Variants in RPRD1B observed in about 807,000 individuals in gnomAD.
The protein encoded by RPRD1B is regulation of nuclear pre-mRNA domain-containing protein 1B.
In RPRD1B, 11 loss-of-function variants were observed where a neutral mutation model predicts 41.5. That is an observed-to-expected ratio of 0.27 (90% confidence interval 0.17 to 0.44). The LOEUF is 0.44. Among genes scored for constraint, RPRD1B ranks in the 20% least tolerant of loss-of-function variants. The pLI is 1.00. For synonymous variants in RPRD1B, 158 were observed against 155.6 expected (o/e 1.02, Z -0.12); for missense variants, 248 against 389.9 (o/e 0.64, Z 3.06).
At chr20:38,078,002 C>G (rs980667043) in intron 6 of RPRD1B, among the ~76,000 whole-genome samples, 1 of 151,994 alleles carries the variant, frequency 6.6e-6, no homozygotes, top group African/African-American at 2.4e-5. Context: ...ATGGCAAAAC[C>G]CCGTCTCTAT....
At chr20:38,076,906 CTTTTTTTTTTTTTTTT>C (rs573460686) in intron 6 of RPRD1B, among the ~76,000 whole-genome samples, 3,161 of 63,594 alleles carry the variant, frequency 0.05, 115 homozygotes, top group Middle Eastern at 0.12. Context: ...CATTCTGGAC[CTTTTTTTTTTTTTTTT>C]TTTTTTTTTT....
In RPRD1B at chr20:38,091,202, G is replaced by A. The variant is rs1235384210; in HGVS notation, c.*1327G>A. On this transcript the variant is annotated 3_prime_UTR_variant, in exon 7 of 7. Transcript: ENST00000373433. ...AGTGTAATAGGAGTTATAGACCAGA[G>A]GCTGAAACCCAAACTATATAAAAAG... 13 of 985,696 alleles carry A rather than the reference G, an allele frequency of 1.3e-5. No homozygotes were observed. The highest frequency in any genetic ancestry group is 4.7e-5 in the South Asian group (1 of 21,282). 61.1% of individuals were successfully genotyped at this position (985,696 alleles called of 1,614,324 possible).
At chr20:38,049,648 G>A (rs565604023) in intron 3 of RPRD1B, 132 of 461,070 alleles carry the variant, frequency 2.9e-4, no homozygotes, top group Admixed American at 6.5e-4. Flanking sequence ...TATTATAGGC[G>A]TGAGCCACCT....
In RPRD1B at chr20:38,090,114, C is replaced by A. The variant is rs1040700854; in HGVS notation, c.*239C>A. On this transcript the variant is annotated 3_prime_UTR_variant, in exon 7 of 7. Transcript: ENST00000373433. ...TTGCAAAGACTACAGACTTTTTCTC[C>A]CACTTCATATTTTCATGCCCCCCTG... The A allele has an allele frequency of 4.9e-6, 6 of 1,224,816 alleles. No homozygotes were observed. Among genetic ancestry groups the A allele is most frequent in the Non-Finnish European group, 6.1e-6 (6 of 979,320 alleles). 75.9% of individuals were successfully genotyped at this position (1,224,816 alleles called of 1,614,324 possible).
In RPRD1B at chr20:38,090,990, G is replaced by C; in HGVS notation, c.*1115G>C. Reference sequence around the variant, plus strand: ...GCTCGTCTCGGGCAGGGGAAGCGGGGAGTTGGGGATATTAATTGGGGGTTT... The same window carrying C: ...GCTCGTCTCGGGCAGGGGAAGCGGGCAGTTGGGGATATTAATTGGGGGTTT... On this transcript the variant is annotated 3_prime_UTR_variant, in exon 7 of 7. Transcript: ENST00000373433. The C allele has an allele frequency of 6.1e-6, 6 of 985,576 alleles. No individual in the cohort carries two copies. The highest frequency in any genetic ancestry group is 7.2e-6 in the Non-Finnish European group (6 of 829,936). 61.1% of individuals were successfully genotyped at this position (985,576 alleles called of 1,614,324 possible).
At chr20:38,041,381 A>G (rs1485955924) in intron 2 of RPRD1B, among the ~76,000 whole-genome samples, 1 of 152,216 alleles carries the variant, frequency 6.6e-6, no homozygotes, top group East Asian at 1.9e-4. Context: ...GCCTTAAATG[A>G]GAAATGAAGT....
intron 6 of RPRD1B, chr20:38,085,520 C>G (rs951473309): frequency 6.6e-6 from 1 of 152,210 alleles, no homozygotes; most frequent in Non-Finnish European, 1.5e-5. Flanking sequence ...GAGTGGGTCT[C>G]ATCACGTTGG....
Position 38,066,183 on chromosome 20 carries a change from A to G in RPRD1B, c.758A>G (p.Gln253Arg), listed in dbSNP as rs564402391. The G allele has an allele frequency of 6.2e-7, 1 of 1,614,240 alleles. No homozygotes were observed. Among genetic ancestry groups the G allele is most frequent in the African/African-American group, 1.3e-5 (1 of 75,052 alleles). Residue 253 changes from glutamine (Q) to arginine (R), a missense_variant, in exon 6 of 7, where the codon CAG (glutamine) becomes CGG (arginine). Gln to Arg is a conservative substitution (Grantham distance 43). Coordinates refer to ENST00000373433, the MANE Select transcript of RPRD1B (RefSeq NM_021215.4). ...RLAAELEDRRQLARMLVEYTQ... is the reference protein window; with the variant it reads ...RLAAELEDRRRLARMLVEYTQ... ...GCAGCAGAACTGGAGGACCGTCGCC[A>G]GCTGGCTCGGATGTTGGTGGAGTAT...
At chr20:38,063,447 A>AG (rs920669929) in intron 5 of RPRD1B, among the ~76,000 whole-genome samples, 16 of 152,214 alleles carry the variant, frequency 1.1e-4, no homozygotes, top group African/African-American at 3.1e-4. Context: ...AATTTGTTAA[A>AG]CTAATTGGAA....
chr20:38,070,595 G>C (rs541746381), intron 6 of RPRD1B: 2 of 985,336 alleles, frequency 2.0e-6, no homozygotes, highest in African/African-American at 1.7e-5. Context: ...TCTTGTCAGC[G>C]TGAATAAAGC....
chr20:38,084,481 C>T (rs534715946), intron 6 of RPRD1B, among the ~76,000 whole-genome samples: 1 of 152,208 alleles, frequency 6.6e-6, no homozygotes, highest in African/African-American at 2.4e-5. Context: ...AGAGGAAACG[C>T]TTATAGTTTT....
At chr20:38,063,004 G>A (rs899431968) in intron 5 of RPRD1B, among the ~76,000 whole-genome samples, 1 of 151,970 alleles carries the variant, frequency 6.6e-6, no homozygotes, top group African/African-American at 2.4e-5. Context: ...TGGCTTTAAA[G>A]CAGAGTCTTT....
intron 3 of RPRD1B, among the ~76,000 whole-genome samples, chr20:38,056,044 T>A (rs142842276): frequency 6.6e-6 from 1 of 152,186 alleles, no homozygotes; most frequent in Non-Finnish European, 1.5e-5. Context: ...CGGCCTGTAT[T>A]GCAGATGTTC....
chr20:38,044,177 G>C (rs987464176), intron 2 of RPRD1B, among the ~76,000 whole-genome samples: 5 of 152,116 alleles, frequency 3.3e-5, no homozygotes, highest in Admixed American at 1.3e-4. Flanking sequence ...AGCGCTCTGG[G>C]TATAAGCTTC....
intron 1 of RPRD1B, among the ~76,000 whole-genome samples, chr20:38,035,799 C>CT (rs1232186738): frequency 9.3e-5 from 14 of 150,318 alleles, no homozygotes; most frequent in Admixed American, 8.6e-4. Flanking sequence ...GGGTCTCGCT[C>CT]TGTCACCCAG....
Position 38,090,041 on chromosome 20 carries a change from G to C in RPRD1B, c.*166G>C. 1 of 1,426,430 alleles carries C rather than the reference G, an allele frequency of 7.0e-7. No individual in the cohort carries two copies. Among genetic ancestry groups the C allele is most frequent in the South Asian group, 1.6e-5 (1 of 63,734 alleles). The allele number at this position is 1,426,430 out of a possible 1,614,324, so 88.4% of individuals were successfully genotyped here. On this transcript the variant is annotated 3_prime_UTR_variant, in exon 7 of 7. Coordinates refer to ENST00000373433, the MANE Select transcript of RPRD1B (RefSeq NM_021215.4). ...ATTCTCCTCTTCAGCCTCTCATCTT[G>C]AGCACAGTTCAGAACAGTGGCGACT...
At chr20:38,056,152 C>G (rs559684096) in intron 3 of RPRD1B, among the ~76,000 whole-genome samples, 1 of 152,074 alleles carries the variant, frequency 6.6e-6, no homozygotes, top group African/African-American at 2.4e-5. Flanking sequence ...TTTGGGAGAC[C>G]AAGGCGGGTG....
chr20:38,040,192 A>G (rs8120535), intron 1 of RPRD1B, among the ~76,000 whole-genome samples: 262 of 152,090 alleles, frequency 1.7e-3, no homozygotes, highest in African/African-American at 6.0e-3. Context: ...ACTATCAATT[A>G]ATTACCCTGG....
At chr20:38,047,959 G>T (rs1245984454) in intron 2 of RPRD1B, among the ~76,000 whole-genome samples, 2 of 152,056 alleles carry the variant, frequency 1.3e-5, no homozygotes, top group Non-Finnish European at 2.9e-5. Context: ...TTAAACATCT[G>T]GTTTTTTAAA....
Sources: gnomAD v4.1 joint callset for allele counts (sites outside exome capture counted in the v4.1 genomes callset) on GRCh38, gnomAD v4.1.1 for gene constraint, MANE v1.5 for transcripts, NCBI Gene and HGNC (gene_info 2026-07-23, HGNC 2026-07-21) for gene names.